The following RBFOX1 variants were observed in gnomAD, a reference collection of about 807,000 sequenced individuals.
The protein encoded by RBFOX1 is RNA binding fox-1 homolog 1.
In RBFOX1, 8 loss-of-function variants were observed where a neutral mutation model predicts 57.7. The observed-to-expected ratio is 0.14, with a 90% confidence interval of 0.08 to 0.25. The LOEUF (loss-of-function observed/expected upper bound fraction) is 0.25, where lower values mean the gene tolerates loss of function less well. RBFOX1 is among the 10% of genes least tolerant of loss of function. The probability of loss-of-function intolerance (pLI) is 1.00; values close to 1 mark genes in which losing one functional copy is unlikely to be tolerated. For missense variants in RBFOX1, 611 were observed against 548.5 expected, an observed-to-expected ratio of 1.11 and a Z score of -1.14; for synonymous variants, 326 against 222.4, an observed-to-expected ratio of 1.47 and a Z score of -4.15.
intron 1 of RBFOX1, among the ~76,000 whole-genome samples, chr16:5,406,670 G>C (rs1381734617): frequency 1.3e-5 from 2 of 152,050 alleles, no homozygotes; most frequent in African/African-American, 4.8e-5. Context: ...GTATATGTGT[G>C]TGTGTTCTAT....
intron 4 of RBFOX1, among the ~76,000 whole-genome samples, chr16:5,914,639 G>A (rs920630288): frequency 1.3e-5 from 2 of 152,196 alleles, no homozygotes; most frequent in African/African-American, 4.8e-5. Context: ...GCTCATGCCT[G>A]TAATCCCAGC....
intron 3 of RBFOX1, among the ~76,000 whole-genome samples, chr16:6,974,600 C>G (rs747522947): frequency 2.2e-4 from 33 of 152,082 alleles, no homozygotes; most frequent in Non-Finnish European, 3.5e-4. Flanking sequence ...CCACCTCGGC[C>G]TCCCAAAGTG....
At chr16:5,387,559 T>TA (rs2066290312) in intron 1 of RBFOX1, among the ~76,000 whole-genome samples, 1 of 152,186 alleles carries the variant, frequency 6.6e-6, no homozygotes, top group Non-Finnish European at 1.5e-5. Flanking sequence ...GAATTCCTGA[T>TA]ATTATATAAG....
intron 2 of RBFOX1, among the ~76,000 whole-genome samples, chr16:5,488,873 A>AGAT (rs2042733613): frequency 6.6e-6 from 1 of 151,876 alleles, no homozygotes; most frequent in Non-Finnish European, 1.5e-5. Flanking sequence ...AGGATTATGG[A>AGAT]GATGATGATG....
chr16:6,253,134 C>T (rs934590784), intron 1 of RBFOX1, among the ~76,000 whole-genome samples: 1 of 152,256 alleles, frequency 6.6e-6, no homozygotes, highest in East Asian at 1.9e-4. Context: ...ACTTACATCT[C>T]TAATGAATGG....
In RBFOX1 at chr16:6,466,024, T is replaced by C. The variant is rs180906054; in HGVS notation, c.-64+148967T>C. Reference sequence around the variant, plus strand: ...TGGGTGGATCACTTGAGGTCACGAGTTTGAGACCAGCCTGGTCAACATGGT... The same window carrying C: ...TGGGTGGATCACTTGAGGTCACGAGCTTGAGACCAGCCTGGTCAACATGGT... On this transcript the variant is annotated intron_variant, in intron 2 of 15. Transcript: ENST00000550418. 1.3e-3 allele frequency among the ~76,000 whole-genome samples: 193 copies of C among 151,862 alleles called. 1 individual carries two copies. Among genetic ancestry groups the C allele is most frequent in the African/African-American group, 4.4e-3 (183 of 41,422 alleles).
At chr16:5,593,872 C>T (rs9937186) in intron 2 of RBFOX1, among the ~76,000 whole-genome samples, 16,783 of 152,106 alleles carry the variant, frequency 0.11, 1,162 homozygotes, top group East Asian at 0.32. Context: ...CGTTTGGGGT[C>T]TGGATCGGGA....
intron 2 of RBFOX1, among the ~76,000 whole-genome samples, chr16:6,486,189 A>T (rs911991569): frequency 1.9e-4 from 27 of 145,378 alleles, no homozygotes; most frequent in African/African-American, 6.7e-4. Context: ...ATTGGTGTAT[A>T]TGACTTTTGT....
At chr16:6,033,007 G>T (rs976425540) in intron 1 of RBFOX1, among the ~76,000 whole-genome samples, 1 of 151,790 alleles carries the variant, frequency 6.6e-6, no homozygotes, top group Non-Finnish European at 1.5e-5. Context: ...TTTCAAAGCT[G>T]GAGTTTGCAA....
chr16:6,424,605 C>CTGTG (rs1228638690), intron 2 of RBFOX1, among the ~76,000 whole-genome samples: 1 of 14,282 alleles, frequency 7.0e-5, no homozygotes, highest in African/African-American at 2.1e-4. Flanking sequence ...CTTAAGAGCA[C>CTGTG]TGTGTGTGTG....
chr16:5,679,001 G>A (rs2050250053), intron 3 of RBFOX1, among the ~76,000 whole-genome samples: 1 of 152,200 alleles, frequency 6.6e-6, no homozygotes, highest in South Asian at 2.1e-4. Context: ...AGGCTAAGAT[G>A]CAAAATGGGA....
At chr16:6,454,985 C>A (rs2094730826) in intron 2 of RBFOX1, among the ~76,000 whole-genome samples, 1 of 149,448 alleles carries the variant, frequency 6.7e-6, no homozygotes, top group Non-Finnish European at 1.5e-5. Context: ...CAGGTTCATG[C>A]CATTCTCCTG....
chr16:5,263,199 C>A (rs1181185296), intron 1 of RBFOX1, among the ~76,000 whole-genome samples: 2 of 152,000 alleles, frequency 1.3e-5, no homozygotes, highest in Non-Finnish European at 2.9e-5. Context: ...GAATCAACTG[C>A]ATGGAGGAGG....
intron 4 of RBFOX1, among the ~76,000 whole-genome samples, chr16:7,118,126 C>G (rs1326393826): frequency 6.6e-6 from 1 of 152,110 alleles, no homozygotes; most frequent in African/African-American, 2.4e-5. Flanking sequence ...AATGGTAGAT[C>G]TATTTTTAGC....
At chr16:7,298,736 ATAT>A (rs1355230302) in intron 4 of RBFOX1, among the ~76,000 whole-genome samples, 1 of 152,244 alleles carries the variant, frequency 6.6e-6, no homozygotes, top group African/African-American at 2.4e-5. Context: ...GGTAAAGAAA[ATAT>A]TAAGAAAATC....
At chr16:6,845,707 T>C (rs1486416490) in intron 3 of RBFOX1, among the ~76,000 whole-genome samples, 1 of 152,298 alleles carries the variant, frequency 6.6e-6, no homozygotes, top group South Asian at 2.1e-4. Flanking sequence ...CAGGCCTTGC[T>C]TCTCTGACAC....
At position 7,586,653 on chromosome 16, in the gene RBFOX1, C is replaced by T. The variant is rs376755774; in HGVS notation, c.415-594C>T. Among the ~76,000 whole-genome samples, 214 of 152,302 alleles carry T rather than the reference C, an allele frequency of 1.4e-3. 1 individual carries two copies. The highest frequency in any genetic ancestry group is 4.8e-3 in the African/African-American group (199 of 41,572). Reference sequence around the variant, plus strand: ...CCTATTCATGCTAGTTGTCTAAAATCTATTTGTTTAACAATGTGGAGAATT... The same window carrying T: ...CCTATTCATGCTAGTTGTCTAAAATTTATTTGTTTAACAATGTGGAGAATT... On this transcript the variant is annotated intron_variant, in intron 6 of 15. Coordinates refer to ENST00000550418, the MANE Select transcript of RBFOX1 (RefSeq NM_018723.4).
At chr16:7,589,827 C>A (rs11640881) in intron 7 of RBFOX1, among the ~76,000 whole-genome samples, 2,393 of 151,626 alleles carry the variant, frequency 0.016, 36 homozygotes, top group Non-Finnish European at 0.026. Context: ...TGGGCCCTTA[C>A]GAGCCAGGAA....
At chr16:6,559,173 A>T (rs949353081) in intron 2 of RBFOX1, among the ~76,000 whole-genome samples, 1 of 130,042 alleles carries the variant, frequency 7.7e-6, no homozygotes, top group Non-Finnish European at 1.6e-5. Flanking sequence ...TTGTGTGTAC[A>T]TATATATATA....
Sources: allele counts gnomAD v4.1 joint callset (sites outside exome capture counted in the v4.1 genomes callset), GRCh38; gene constraint gnomAD v4.1.1; transcripts MANE v1.5; gene names NCBI Gene and HGNC (gene_info 2026-07-23, HGNC 2026-07-21).